The following EYA2 variants were observed in gnomAD, a reference collection of about 807,000 sequenced individuals.
EYA2 encodes the protein protein phosphatase EYA2.
Under a neutral mutation model 69.2 loss-of-function variants are expected in EYA2, and 31 were observed. The ratio of observed to expected loss-of-function variants is 0.45; its 90% CI spans 0.34 to 0.60. EYA2 has a LOEUF of 0.60. EYA2 is among the 20% of genes least tolerant of loss of function. The pLI is 0.02. For synonymous variants in EYA2, 257 were observed against 279.4 expected, an observed-to-expected ratio of 0.92 and a Z score of 0.80; for missense variants, 622 against 701.2, an observed-to-expected ratio of 0.89 and a Z score of 1.28.
chr20:46,934,385 A>G (rs1176239166), intron 1 of EYA2, among the ~76,000 whole-genome samples: 1 of 151,766 alleles, frequency 6.6e-6, no homozygotes, highest in Non-Finnish European at 1.5e-5. Flanking sequence ...CAGCCCTTCT[A>G]GGTGTTCATC....
At chr20:47,153,810 A>C (rs1004014736) in intron 10 of EYA2, among the ~76,000 whole-genome samples, 1 of 152,042 alleles carries the variant, frequency 6.6e-6, no homozygotes, top group Non-Finnish European at 1.5e-5. Context: ...ATTTGGGATC[A>C]GAGGACCTAA....
chr20:46,982,842 C>T (rs530581353), intron 1 of EYA2, among the ~76,000 whole-genome samples: 3 of 148,972 alleles, frequency 2.0e-5, no homozygotes, highest in East Asian at 2.0e-4. Context: ...GGTGCAATCT[C>T]GGCTCACTGC....
intron 9 of EYA2, chr20:47,117,652 A>C: frequency 1.0e-6 from 1 of 985,372 alleles, no homozygotes; most frequent in Non-Finnish European, 1.2e-6. Flanking sequence ...AATAAAAAGA[A>C]AAAGAAAAAG....
chr20:47,183,655 C>T (rs112958562), intron 15 of EYA2, among the ~76,000 whole-genome samples: 21 of 152,320 alleles, frequency 1.4e-4, no homozygotes, highest in African/African-American at 9.6e-5. Context: ...AGCCTAGAGA[C>T]GCTCCGGCAG....
intron 9 of EYA2, among the ~76,000 whole-genome samples, chr20:47,121,715 A>T (rs570775065): frequency 6.6e-6 from 1 of 152,258 alleles, no homozygotes; most frequent in South Asian, 2.1e-4. Context: ...TGCATGGGTC[A>T]TCTCCTTGGT....
intron 5 of EYA2, among the ~76,000 whole-genome samples, chr20:47,032,514 T>A (rs200578715): frequency 9.2e-5 from 14 of 152,358 alleles, no homozygotes; most frequent in East Asian, 3.9e-4. Flanking sequence ...CCTGTTTTTT[T>A]AAACACAAGT....
chr20:46,922,195 C>G lies in EYA2; in HGVS notation c.-11+27208C>G, dbSNP rs79229295. On this transcript the variant is annotated intron_variant, in intron 1 of 15. Coordinates refer to ENST00000327619, the MANE Select transcript of EYA2 (RefSeq NM_005244.5). ...TTTAATACCCAGGACATCATCACCC[C>G]GGAGGACAGGAGTGCTAATTGATTT... is the stretch of plus-strand genomic sequence containing the variant. Among the ~76,000 whole-genome samples the G allele has an allele frequency of 9.6e-3, 1,468 of 152,260 alleles. 25 individuals carry two copies. The highest frequency in any genetic ancestry group is 0.033 in the African/African-American group (1,356 of 41,532).
chr20:46,908,494 T>A (rs1180862247), intron 1 of EYA2, among the ~76,000 whole-genome samples: 1 of 152,250 alleles, frequency 6.6e-6, no homozygotes, highest in Non-Finnish European at 1.5e-5. Flanking sequence ...GCTGCCGTTC[T>A]GCGTCAATCA....
intron 5 of EYA2, among the ~76,000 whole-genome samples, chr20:47,046,594 G>A (rs530106333): frequency 2.0e-5 from 3 of 152,266 alleles, no homozygotes; most frequent in East Asian, 3.9e-4. Flanking sequence ...GGAGGCTTGT[G>A]TAGGGGGGTG....
intron 14 of EYA2, among the ~76,000 whole-genome samples, chr20:47,181,569 C>T (rs140824367): frequency 7.3e-5 from 11 of 151,708 alleles, no homozygotes; most frequent in South Asian, 6.2e-4. Flanking sequence ...AATGCAGTGG[C>T]GAGATCATAG....
At chr20:47,134,589 CAA>C (rs2033416624) in intron 9 of EYA2, among the ~76,000 whole-genome samples, 1 of 151,816 alleles carries the variant, frequency 6.6e-6, no homozygotes, top group African/African-American at 2.4e-5. Context: ...CACACACACA[CAA>C]ACACACACAC....
chr20:46,975,392 G>A (rs985233547), intron 1 of EYA2, among the ~76,000 whole-genome samples: 5 of 152,148 alleles, frequency 3.3e-5, no homozygotes, highest in African/African-American at 4.8e-5. Context: ...AGTTTTGGCC[G>A]GGCACAGTGG....
intron 10 of EYA2, among the ~76,000 whole-genome samples, chr20:47,162,322 G>T (rs6066218): frequency 6.6e-6 from 1 of 151,848 alleles, no homozygotes; most frequent in South Asian, 2.1e-4. Flanking sequence ...TCTCTGCCTC[G>T]TTTTCTCCTA....
chr20:47,089,332 G>C lies in EYA2; in HGVS notation c.755G>C (p.Arg252Pro), dbSNP rs747361783. 6.2e-7 allele frequency: 1 copy of C among 1,614,144 alleles called. No homozygotes were observed. Among genetic ancestry groups the C allele is most frequent in the Admixed American group, 1.7e-5 (1 of 60,032 alleles). ...GCCTCCGACGGGAAGCTCCGAGGCC[G>C]GTCTAAGAGGAGCAGTGACCCGTCC... ...HRASDGKLRG[R>P]SKRSSDPSPA... The change falls in exon 8 of 16, where the codon CGG becomes CCG. Residue 252 changes from arginine to proline, a missense_variant. This residue lies in a region of EYA2 where 365 missense variants were observed against 349.7 expected (regional missense o/e 1.04). Transcript: ENST00000327619.
At chr20:47,107,061 G>A (rs1402458361) in intron 9 of EYA2, among the ~76,000 whole-genome samples, 1 of 152,134 alleles carries the variant, frequency 6.6e-6, no homozygotes, top group East Asian at 1.9e-4. Flanking sequence ...CCATAGAAAT[G>A]TGTGCATTTT....
intron 9 of EYA2, among the ~76,000 whole-genome samples, chr20:47,113,144 A>T (rs1239827733): frequency 6.6e-6 from 1 of 152,018 alleles, no homozygotes; most frequent in African/African-American, 2.4e-5. Flanking sequence ...AAGTGCTGGG[A>T]TTACAGGTGT....
intron 10 of EYA2, among the ~76,000 whole-genome samples, chr20:47,154,222 G>T (rs1485358233): frequency 6.6e-6 from 1 of 151,976 alleles, no homozygotes; most frequent in East Asian, 2.0e-4. Flanking sequence ...CATGTACATG[G>T]AGAGAGAGCC....
chr20:47,164,305 T>C (rs3092171), intron 10 of EYA2, among the ~76,000 whole-genome samples: 91,686 of 151,980 alleles, frequency 0.6, 28,761 homozygotes, highest in African/African-American at 0.78. Flanking sequence ...GAAATGTGAT[T>C]GCTACTGTTG....
chr20:46,966,974 A>G (rs1269411104), intron 1 of EYA2, among the ~76,000 whole-genome samples: 6 of 151,816 alleles, frequency 4.0e-5, no homozygotes, highest in Admixed American at 3.9e-4. Context: ...ACACATCTCA[A>G]TTTGTTTTTT....
Sources: allele counts gnomAD v4.1 joint callset (sites outside exome capture counted in the v4.1 genomes callset), GRCh38; gene constraint gnomAD v4.1.1; regional missense constraint gnomAD v4.1.1; transcripts MANE v1.5; gene names NCBI Gene and HGNC (gene_info 2026-07-23, HGNC 2026-07-21).